PCLO: variants seen among roughly 807,000 people sequenced by gnomAD.
PCLO encodes the protein piccolo presynaptic cytomatrix protein.
A neutral mutation model predicts 427.5 loss-of-function variants in PCLO; 82 were observed. That is an observed-to-expected ratio of 0.19 (90% CI 0.16 to 0.23). PCLO has a LOEUF of 0.23. PCLO is among the 10% of genes least tolerant of loss of function. The pLI is 1.00. For missense variants in PCLO, 6,239 were observed against 6,115.9 expected (o/e 1.02, Z -0.67); for synonymous variants, 2,357 against 2,155.4 (o/e 1.09, Z -2.59).
In PCLO at chr7:83,155,909, T is replaced by A. The variant is rs771296256; in HGVS notation, c.732A>T (p.Pro244=). 1 of 1,613,982 alleles carries A rather than the reference T, an allele frequency of 6.2e-7. No individual in the cohort carries two copies. The highest frequency in any genetic ancestry group is 8.5e-7 in the Non-Finnish European group (1 of 1,179,886). Residue 244 remains proline (P), a synonymous_variant, in exon 2 of 25, where the codon CCA becomes CCT. Coordinates refer to ENST00000333891, the MANE Select transcript of PCLO (RefSeq NM_033026.6). ...CTGGAGGTTGTGATTTAATTTTTTC[T>A]GGTTGTTGAGAAGATATTGATTTGG... The part of the protein sequence containing the change: ...GTPKSISSQQ[P]EKIKSQPPGT...
chr7:83,092,740 G>A (rs764464879), intron 3 of PCLO, among the ~76,000 whole-genome samples: 1 of 151,994 alleles, frequency 6.6e-6, no homozygotes, highest in Admixed American at 6.6e-5. Context: ...ATGAGGTCAG[G>A]AGTTTGAGAC....
Position 82,988,176 on chromosome 7 carries a change from A to G in PCLO, c.3301-21689T>C, listed in dbSNP as rs185936371. 1.3e-3 allele frequency among the ~76,000 whole-genome samples: 199 copies of G among 152,188 alleles called. 1 individual carries two copies. The highest frequency in any genetic ancestry group is 4.8e-3 in the African/African-American group (198 of 41,546). ...ACTACAGGCATGTACCATCATGACCAGCTAATTTTTCTTTCTTTTTTAAAA... is the reference window on the plus strand; with the variant it reads ...ACTACAGGCATGTACCATCATGACCGGCTAATTTTTCTTTCTTTTTTAAAA... On this transcript the variant is annotated intron_variant, in intron 3 of 24. Transcript: ENST00000333891.
At chr7:83,057,352 T>A (rs866263468) in intron 3 of PCLO, among the ~76,000 whole-genome samples, 97 of 38,090 alleles carry the variant, frequency 2.5e-3, no homozygotes, top group African/African-American at 5.3e-3. Context: ...ATATATATTT[T>A]TTTTTTTTTT....
rs528495397 is a variant in PCLO at position 82,812,656 on chromosome 7, G to C, written c.14792-6827C>G. Among the ~76,000 whole-genome samples the C allele has an allele frequency of 2.0e-5, 3 of 151,618 alleles. No homozygotes were observed. In the South Asian group the frequency reaches 6.2e-4, roughly 32 times the overall value. On this transcript the variant is annotated intron_variant, in intron 20 of 24. Transcript: ENST00000333891. ...ATAGAATGAAAAAAGAATGTATCCA[G>C]TGCTGAGTTCCGGTTTGGTGCTATA...
chr7:82,970,570 T>G (rs998539621), intron 3 of PCLO, among the ~76,000 whole-genome samples: 3 of 151,912 alleles, frequency 2.0e-5, no homozygotes, highest in African/African-American at 7.2e-5. Context: ...GTCTCATATG[T>G]GTCTCTTCTC....
intron 10 of PCLO, among the ~76,000 whole-genome samples, chr7:82,851,952 T>A (rs1199363199): frequency 6.6e-6 from 1 of 152,048 alleles, no homozygotes; most frequent in Non-Finnish European, 1.5e-5. Context: ...ATTTTTTAAA[T>A]TTATATATTT....
intron 22 of PCLO, among the ~76,000 whole-genome samples, chr7:82,783,649 A>C (rs1790923876): frequency 6.6e-6 from 1 of 152,050 alleles, no homozygotes; most frequent in South Asian, 2.1e-4. Flanking sequence ...CAAAAATTGC[A>C]CCCTAGATGT....
intron 22 of PCLO, among the ~76,000 whole-genome samples, chr7:82,786,754 C>CA (rs1790993186): frequency 6.6e-6 from 1 of 152,070 alleles, no homozygotes; most frequent in South Asian, 2.1e-4. Flanking sequence ...CCCCACCCCC[C>CA]AACAGGCCCT....
chr7:82,950,717 A>T lies in PCLO; in HGVS notation c.9871T>A (p.Leu3291Ile). The T allele has an allele frequency of 6.2e-7, 1 of 1,613,782 alleles. No homozygotes were observed. Among genetic ancestry groups the T allele is most frequent in the Non-Finnish European group, 8.5e-7 (1 of 1,179,826 alleles). ...MRQETLAQQQ[L>I]QLEQIQQLQQ... ...AGCTGTTGGATCTGCTCAAGCTGTA[A>T]CTGTTGCTGAGCTAACGTCTCCTGC... Residue 3291 changes from leucine to isoleucine, a missense_variant, in exon 6 of 25, where the codon TTA becomes ATA. Around this residue, in one of 5 missense-constraint regions of PCLO, gnomAD observed 4,677 missense variants for 4,468.4 expected, o/e 1.05. Coordinates refer to ENST00000333891, the MANE Select transcript of PCLO (RefSeq NM_033026.6).
intron 10 of PCLO, among the ~76,000 whole-genome samples, chr7:82,854,153 G>T (rs1029533075): frequency 2.6e-5 from 4 of 151,974 alleles, no homozygotes; most frequent in Admixed American, 1.3e-4. Context: ...CAGTTGTCCA[G>T]GTTCTTTGGC....
chr7:82,964,217 T>C (rs1297821543), intron 4 of PCLO, among the ~76,000 whole-genome samples: 1 of 152,080 alleles, frequency 6.6e-6, no homozygotes, highest in Non-Finnish European at 1.5e-5. Context: ...ATACCTTCAT[T>C]GTGGAGAACA....
chr7:82,909,579 T>C (rs910495642), intron 7 of PCLO, among the ~76,000 whole-genome samples: 1 of 152,140 alleles, frequency 6.6e-6, no homozygotes, highest in Admixed American at 6.6e-5. Context: ...TGGAAGTTTC[T>C]GTCACTTTCC....
intron 3 of PCLO, among the ~76,000 whole-genome samples, chr7:83,075,068 G>A (rs754554978): frequency 6.6e-6 from 1 of 152,056 alleles, no homozygotes; most frequent in Non-Finnish European, 1.5e-5. Context: ...ATGTCACCAC[G>A]TTAGTATTTT....
chr7:83,146,790 CAG>C (rs1292840263), intron 2 of PCLO, among the ~76,000 whole-genome samples: 1 of 151,840 alleles, frequency 6.6e-6, no homozygotes, highest in Non-Finnish European at 1.5e-5. Context: ...TTAGCAGAGA[CAG>C]GGTTTCACCA....
intron 6 of PCLO, among the ~76,000 whole-genome samples, chr7:82,937,359 A>G (rs1370927200): frequency 6.6e-6 from 1 of 151,354 alleles, no homozygotes; most frequent in Non-Finnish European, 1.5e-5. Context: ...TGCATTTGGA[A>G]AACAATGTTG....
At chr7:83,122,308 T>C (rs1293469000) in intron 3 of PCLO, among the ~76,000 whole-genome samples, 36 of 102,816 alleles carry the variant, frequency 3.5e-4, no homozygotes, top group African/African-American at 1.4e-3. Flanking sequence ...TTTTTTTTTA[T>C]GGTGTTTTGC....
chr7:82,775,093 C>T (rs545110922), intron 22 of PCLO, among the ~76,000 whole-genome samples: 14 of 152,114 alleles, frequency 9.2e-5, no homozygotes, highest in Non-Finnish European at 1.6e-4. Flanking sequence ...GAACAATATT[C>T]CATTGTCTGA....
intron 22 of PCLO, among the ~76,000 whole-genome samples, chr7:82,793,224 G>A (rs1791143847): frequency 6.6e-6 from 1 of 152,106 alleles, no homozygotes; most frequent in Admixed American, 6.5e-5. Context: ...TTATGGTGGA[G>A]ATGTCAAAGA....
intron 3 of PCLO, among the ~76,000 whole-genome samples, chr7:83,128,985 CAT>C (rs757504922): frequency 1.1e-4 from 16 of 152,254 alleles, no homozygotes; most frequent in Admixed American, 5.9e-4. Flanking sequence ...GGATGTTATG[CAT>C]ATATTTACAA....
Sources: allele counts gnomAD v4.1 joint callset (sites outside exome capture counted in the v4.1 genomes callset), GRCh38; gene constraint gnomAD v4.1.1; regional missense constraint gnomAD v4.1.1; transcripts MANE v1.5; gene names NCBI Gene and HGNC (gene_info 2026-07-23, HGNC 2026-07-21).